Variants in TAMM41 observed in about 807,000 individuals in gnomAD.
TAMM41 encodes phosphatidate cytidylyltransferase, mitochondrial.
Under a neutral mutation model 44.1 loss-of-function variants are expected in TAMM41, and 36 were observed. The observed-to-expected ratio is 0.82, with a 90% CI of 0.63 to 1.08. The LOEUF is 1.08. TAMM41 is among the 50% of genes least tolerant of loss of function. The pLI is 0.00. For missense variants in TAMM41, 417 were observed against 404.3 expected, an observed-to-expected ratio of 1.03 and a Z score of -0.27; for synonymous variants, 164 against 153.1, an observed-to-expected ratio of 1.07 and a Z score of -0.53.
At chr3:11,837,869 T>A (rs2079250524) in intron 3 of TAMM41, among the ~76,000 whole-genome samples, 1 of 152,082 alleles carries the variant, frequency 6.6e-6, no homozygotes, top group Non-Finnish European at 1.5e-5. Context: ...CATTGGAGAA[T>A]CTTGAGGGGG....
chr3:11,784,877 A>C, the TAMM41 span, among the ~76,000 whole-genome samples: 3 of 142,808 alleles, frequency 2.1e-5, no homozygotes, highest in Non-Finnish European at 3.0e-5. Flanking sequence ...ATCGTGGCTC[A>C]CTGCAACTTC....
intron 4 of TAMM41, among the ~76,000 whole-genome samples, chr3:11,822,193 T>C (rs1276927516): frequency 1.3e-5 from 2 of 152,106 alleles, no homozygotes; most frequent in African/African-American, 2.4e-5. Context: ...GCAAACAGTA[T>C]GAAAAAAAGA....
chr3:11,754,349 A>G, the TAMM41 span, among the ~76,000 whole-genome samples: 3 of 152,050 alleles, frequency 2.0e-5, no homozygotes, highest in African/African-American at 7.2e-5. Flanking sequence ...CTGCCAATGC[A>G]TTACCAATTC....
chr3:11,754,708 C>CTCTCTTTTT, the TAMM41 span, among the ~76,000 whole-genome samples: 6 of 103,548 alleles, frequency 5.8e-5, no homozygotes, highest in East Asian at 2.7e-4. Flanking sequence ...TCTCAGATCT[C>CTCTCTTTTT]TTTTTTTTTT....
chr3:11,744,415 C>T, the TAMM41 span, among the ~76,000 whole-genome samples: 2 of 151,970 alleles, frequency 1.3e-5, no homozygotes, highest in Admixed American at 6.5e-5. Context: ...TAATGGCAGC[C>T]GGGCACAGTG....
chr3:11,779,902 C>A, the TAMM41 span, among the ~76,000 whole-genome samples: 1 of 152,184 alleles, frequency 6.6e-6, no homozygotes, highest in South Asian at 2.1e-4. Context: ...TACCATTCTC[C>A]CATTTGTGCC....
the TAMM41 span, among the ~76,000 whole-genome samples, chr3:11,767,572 A>T: frequency 2.8e-5 from 4 of 144,496 alleles, no homozygotes; most frequent in Non-Finnish European, 6.0e-5. Context: ...TTACATTCCC[A>T]CCAGCAATGT....
At chr3:11,729,539 A>ATTTTTTTTT in the TAMM41 span, among the ~76,000 whole-genome samples, 39 of 32,292 alleles carry the variant, frequency 1.2e-3, 3 homozygotes, top group East Asian at 6.3e-3. Context: ...TCTTTCTTTC[A>ATTTTTTTTT]TTTTTTTTTT....
the TAMM41 span, among the ~76,000 whole-genome samples, chr3:11,755,725 C>T: frequency 6.6e-6 from 1 of 152,256 alleles, no homozygotes; most frequent in South Asian, 2.1e-4. Context: ...CCACAAAGGC[C>T]CTATCAGGCT....
At chr3:11,805,459 A>G (rs2077880165) in intron 7 of TAMM41, among the ~76,000 whole-genome samples, 1 of 151,760 alleles carries the variant, frequency 6.6e-6, no homozygotes, top group South Asian at 2.1e-4. Context: ...TTTTAAAGAG[A>G]CAGGGTCTTG....
At chr3:11,805,721 GTTGAAAGATCACTCCCCTTT>G (rs2077888456) in intron 7 of TAMM41, among the ~76,000 whole-genome samples, 1 of 152,186 alleles carries the variant, frequency 6.6e-6, no homozygotes, top group African/African-American at 2.4e-5. Context: ...TTAGAATTAG[GTTGAAAGATCACTCCCCTTT>G]TTGGGCTACC....
intron 3 of TAMM41, among the ~76,000 whole-genome samples, chr3:11,832,071 A>C (rs2079004075): frequency 6.6e-6 from 1 of 152,224 alleles, no homozygotes; most frequent in African/African-American, 2.4e-5. Flanking sequence ...TTCAGCTCTA[A>C]ATATTCTGAA....
the TAMM41 span, among the ~76,000 whole-genome samples, chr3:11,737,225 T>A: frequency 1.3e-5 from 2 of 151,808 alleles, no homozygotes; most frequent in East Asian, 3.9e-4. Context: ...TTAAGTAATT[T>A]CCAGACACCC....
At chr3:11,819,213 CCAGAAACACAGAGTAAGA>C (rs2078411943) in intron 4 of TAMM41, among the ~76,000 whole-genome samples, 2 of 152,080 alleles carry the variant, frequency 1.3e-5, no homozygotes, top group Non-Finnish European at 2.9e-5. Flanking sequence ...AAGAAATAAG[CCAGAAACACAGAGTAAGA>C]CAGAAACACA....
At chr3:11,781,248 G>C in the TAMM41 span, among the ~76,000 whole-genome samples, 1 of 152,178 alleles carries the variant, frequency 6.6e-6, no homozygotes, top group Non-Finnish European at 1.5e-5. Flanking sequence ...AGGAGTTGGG[G>C]ACAGTGAAAT....
At chr3:11,723,123 T>C in the TAMM41 span, among the ~76,000 whole-genome samples, 21 of 61,796 alleles carry the variant, frequency 3.4e-4, no homozygotes, top group Admixed American at 4.0e-3. Flanking sequence ...GTCTCAAAAA[T>C]AAAATAAAAT....
chr3:11,767,701 C>T, the TAMM41 span, among the ~76,000 whole-genome samples: 1 of 131,502 alleles, frequency 7.6e-6, no homozygotes, highest in Non-Finnish European at 1.6e-5. Context: ...TCTAAGCTCA[C>T]TGCAACCTCC....
the TAMM41 span, among the ~76,000 whole-genome samples, chr3:11,779,799 A>G: frequency 1.3e-5 from 2 of 152,142 alleles, no homozygotes; most frequent in Admixed American, 1.3e-4. Flanking sequence ...CAGACATTCC[A>G]AACGCAGCAT....
chr3:11,756,168 C>T, the TAMM41 span, among the ~76,000 whole-genome samples: 17 of 152,194 alleles, frequency 1.1e-4, no homozygotes, highest in African/African-American at 3.9e-4. Flanking sequence ...TAAATGTTAG[C>T]GCCCCTTCTC....
Sources: gnomAD v4.1 joint callset for allele counts (sites outside exome capture counted in the v4.1 genomes callset) on GRCh38, gnomAD v4.1.1 for gene constraint, MANE v1.5 for transcripts, NCBI Gene and HGNC (gene_info 2026-07-23, HGNC 2026-07-21) for gene names.